Variants in KAZN observed in about 807,000 individuals in gnomAD.
KAZN encodes the protein kazrin, periplakin interacting protein.
A neutral mutation model predicts 87.4 loss-of-function variants in KAZN; 40 were observed. The ratio of observed to expected loss-of-function variants is 0.46; its 90% CI spans 0.36 to 0.60. The LOEUF is 0.60. Ranked by LOEUF, KAZN falls within the 20% of genes least tolerant of loss-of-function variation. KAZN has a pLI of 0.00. For synonymous variants in KAZN, 466 were observed against 458.3 expected (o/e 1.02, Z -0.22); for missense variants, 898 against 1,073.9 (o/e 0.84, Z 2.29).
chr1:14,989,910 T>C (rs367802182), intron 2 of KAZN, among the ~76,000 whole-genome samples: 21 of 152,290 alleles, frequency 1.4e-4, no homozygotes, highest in East Asian at 3.9e-4. Context: ...GCGCTTTGCA[T>C]TGGAGCAGAG....
At chr1:14,386,215 A>G (rs1219216661) in intron 2 of KAZN, among the ~76,000 whole-genome samples, 4 of 144,838 alleles carry the variant, frequency 2.8e-5, no homozygotes, top group East Asian at 2.1e-4. Flanking sequence ...GTCTCTGCAC[A>G]TGAGATGGGT....
intron 2 of KAZN, among the ~76,000 whole-genome samples, chr1:14,999,396 G>T (rs959774562): frequency 6.6e-6 from 1 of 152,240 alleles, no homozygotes; most frequent in African/African-American, 2.4e-5. Context: ...AGCCAGGAGA[G>T]CATGGGAGGC....
rs1660639613 is a variant in KAZN at position 14,937,967 on chromosome 1, C to A, written c.227-22717C>A. Among the ~76,000 whole-genome samples the A allele has an allele frequency of 2.0e-5, 3 of 152,222 alleles. No individual in the cohort carries two copies. The South Asian group carries it at 6.2e-4, about 31-fold the overall frequency. On this transcript the variant is annotated intron_variant, in intron 1 of 14. Coordinates refer to ENST00000376030, the MANE Select transcript of KAZN (RefSeq NM_201628.3). The stretch of plus-strand genomic sequence containing the variant: ...CAGGGCACCTTTGCCTTACTCTGTG[C>A]TTGGTGGTATTTAGGGCGTTTTAGC...
At chr1:14,681,456 A>C (rs967724608) in intron 1 of KAZN, among the ~76,000 whole-genome samples, 5 of 150,506 alleles carry the variant, frequency 3.3e-5, no homozygotes, top group Admixed American at 2.0e-4. Context: ...CATTTCAGAA[A>C]CTCTGGACAG....
At chr1:15,007,538 G>A (rs1387698380) in intron 2 of KAZN, among the ~76,000 whole-genome samples, 2 of 152,230 alleles carry the variant, frequency 1.3e-5, no homozygotes, top group Admixed American at 6.5e-5. Context: ...TGGACCCAGG[G>A]AGCAGGAGGA....
At chr1:14,389,402 C>G (rs2101082831) in intron 2 of KAZN, among the ~76,000 whole-genome samples, 1 of 152,276 alleles carries the variant, frequency 6.6e-6, no homozygotes, top group East Asian at 1.9e-4. Flanking sequence ...TATCTGCACT[C>G]CGGTGTTTGT....
chr1:14,999,206 G>A (rs1003124054), intron 2 of KAZN, among the ~76,000 whole-genome samples: 3 of 152,146 alleles, frequency 2.0e-5, no homozygotes, highest in Admixed American at 6.5e-5. Flanking sequence ...TGTTGAGCCT[G>A]GTTGCAGTTT....
chr1:14,858,203 C>CTTTTTTTTTTTTTTTTTTTTTTTTTT (rs1388659468), intron 1 of KAZN, among the ~76,000 whole-genome samples: 4 of 95,102 alleles, frequency 4.2e-5, no homozygotes, highest in African/African-American at 1.6e-4. Context: ...TTTCTTTTTT[C>CTTTTTTTTTTTTTTTTTTTTTTTTTT]TTTTTCTTTT....
rs567825766 is a variant in KAZN at position 14,773,088 on chromosome 1, C to A, written c.226+173865C>A. Among the ~76,000 whole-genome samples, 1 of 152,106 alleles carries A rather than the reference C, an allele frequency of 6.6e-6. No homozygotes were observed. The highest frequency in any genetic ancestry group is 6.5e-5 in the Admixed American group (1 of 15,278). On this transcript the variant is annotated intron_variant, in intron 1 of 14. Coordinates refer to ENST00000376030, the MANE Select transcript of KAZN (RefSeq NM_201628.3). The surrounding 1 kb of genome is among the most constrained non-coding windows in gnomAD (Gnocchi z 5.9). The stretch of plus-strand genomic sequence containing the variant: ...GAGGGTCAGGTGGGTGACCCTAGTC[C>A]CCCACAAAGGTAGCATCTGGTGGAG...
chr1:14,419,979 C>T (rs985459824), intron 2 of KAZN, among the ~76,000 whole-genome samples: 8 of 152,146 alleles, frequency 5.3e-5, no homozygotes, highest in East Asian at 1.9e-4. Context: ...TTGCCACTCC[C>T]GGCTCCGGCA....
chr1:15,080,345 T>A (rs1438433784), intron 8 of KAZN, among the ~76,000 whole-genome samples: 1 of 152,136 alleles, frequency 6.6e-6, no homozygotes, highest in East Asian at 1.9e-4. Context: ...GTACCACCAC[T>A]GTTTTAGCCC....
intron 4 of KAZN, among the ~76,000 whole-genome samples, chr1:15,047,588 T>C (rs1229988265): frequency 6.6e-6 from 1 of 152,124 alleles, no homozygotes; most frequent in Non-Finnish European, 1.5e-5. Context: ...CTGGCCAACA[T>C]GGCGAAACCC....
intron 1 of KAZN, among the ~76,000 whole-genome samples, chr1:14,831,873 A>G (rs1647058269): frequency 1.3e-5 from 2 of 152,092 alleles, no homozygotes; most frequent in Admixed American, 6.6e-5. Context: ...CGAGTGACAG[A>G]AACCCAACTC....
Position 15,099,886 on chromosome 1 carries a change from A to G in KAZN, c.1548-1657A>G, listed in dbSNP as rs514969. Among the ~76,000 whole-genome samples the G allele has an allele frequency of 1.3e-5, 2 of 151,926 alleles. No individual in the cohort carries two copies. The highest frequency in any genetic ancestry group is 2.4e-5 in the African/African-American group (1 of 41,354). On this transcript the variant is annotated intron_variant, in intron 10 of 14. Coordinates refer to ENST00000376030, the MANE Select transcript of KAZN (RefSeq NM_201628.3). The surrounding 1 kb of genome is among the most constrained non-coding windows in gnomAD (Gnocchi z 5.4). ...GGGAAAGGAGAGAAGTGGACAGAGG[A>G]TGCACTGACCAGAGTGACCGACAGA...
chr1:13,907,163 G>A (rs1309872528), intron 1 of KAZN, among the ~76,000 whole-genome samples: 3 of 152,140 alleles, frequency 2.0e-5, no homozygotes, highest in Non-Finnish European at 4.4e-5. Context: ...TTTTGCAGCT[G>A]GATTTCCCCT....
chr1:14,250,961 C>A (rs1005022223), intron 2 of KAZN, among the ~76,000 whole-genome samples: 3 of 151,992 alleles, frequency 2.0e-5, no homozygotes, highest in African/African-American at 7.2e-5. Context: ...AAATATTTTT[C>A]ATGAACCTGT....
At chr1:14,098,927 G>A (rs2101638454) in intron 1 of KAZN, among the ~76,000 whole-genome samples, 1 of 152,310 alleles carries the variant, frequency 6.6e-6, no homozygotes, top group East Asian at 1.9e-4. Flanking sequence ...CCAGGGAGGG[G>A]AGAATTTCAC....
At chr1:13,983,209 C>G (rs866797614) in intron 1 of KAZN, among the ~76,000 whole-genome samples, 1 of 152,214 alleles carries the variant, frequency 6.6e-6, no homozygotes. Flanking sequence ...TGCCGTGGAG[C>G]AAGGGGTGGC....
intron 2 of KAZN, among the ~76,000 whole-genome samples, chr1:14,506,734 G>A (rs1295581161): frequency 6.6e-6 from 1 of 152,158 alleles, no homozygotes; most frequent in Admixed American, 6.5e-5. Flanking sequence ...CACGGTGCCA[G>A]GGACAGTGCT....
Sources: allele counts gnomAD v4.1 joint callset (sites outside exome capture counted in the v4.1 genomes callset), GRCh38; gene constraint gnomAD v4.1.1; non-coding constraint Gnocchi (gnomAD v3.1); transcripts MANE v1.5; gene names NCBI Gene and HGNC (gene_info 2026-07-23, HGNC 2026-07-21).